UPRT: variants seen among roughly 807,000 people sequenced by gnomAD.
UPRT encodes uracil phosphoribosyltransferase homolog.
UPRT carries 5 observed loss-of-function variants against 22.6 expected under a neutral mutation model. The ratio of observed to expected loss-of-function variants is 0.22; its 90% CI spans 0.12 to 0.47. The LOEUF (loss-of-function observed/expected upper bound fraction) is 0.47, where lower values mean the gene tolerates loss of function less well. Ranked by LOEUF, UPRT falls within the 20% of genes least tolerant of loss-of-function variation. The pLI, the probability that UPRT is intolerant of heterozygous loss-of-function variation, is 0.99. For missense variants in UPRT, 181 were observed against 239.9 expected, an observed-to-expected ratio of 0.75 and a Z score of 1.62; for synonymous variants, 77 against 87.7, an observed-to-expected ratio of 0.88 and a Z score of 0.68.
chrX:75,224,691 G>T (rs1190280234), intron 4 of UPRT, among the ~76,000 whole-genome samples: 1 of 111,628 alleles, frequency 9.0e-6, no homozygotes, highest in African/African-American at 3.3e-5. Context: ...AATAGTTCCT[G>T]AGGTAGTACT....
intron 4 of UPRT, among the ~76,000 whole-genome samples, chrX:75,175,809 C>T (rs1432639701): frequency 9.0e-6 from 1 of 111,663 alleles, no homozygotes. Context: ...TGACCTCTCT[C>T]AACCGTTTGT....
At chrX:75,246,674 C>T (rs187571179) in intron 4 of UPRT, among the ~76,000 whole-genome samples, 2,006 of 111,372 alleles carry the variant, frequency 0.018, 57 homozygotes, top group African/African-American at 0.062. Flanking sequence ...CTTGAAGAAT[C>T]GCCACACTGT....
intron 4 of UPRT, among the ~76,000 whole-genome samples, chrX:75,208,940 T>C (rs2082373407): frequency 9.0e-6 from 1 of 111,696 alleles, no homozygotes; most frequent in Non-Finnish European, 1.9e-5. Flanking sequence ...GCATCTGGGC[T>C]GCAGAGTAAA....
Position 75,274,415 on chromosome X carries a change from G to C in UPRT, c.161G>C (p.Gly54Ala). 1 of 1,209,579 alleles carries C rather than the reference G, an allele frequency of 8.3e-7. No homozygotes were observed. The highest frequency in any genetic ancestry group is 1.1e-6 in the Non-Finnish European group (1 of 895,064). The stretch of plus-strand genomic sequence containing the variant: ...AGGGCCAAGGTGATTCTCCTCACGG[G>C]GTACGCCCATTCTAGCCTGCCGGCC... ...ASRAKVILLT[G>A]YAHSSLPAEL... Residue 54 changes from glycine to alanine, a missense_variant, in exon 1 of 7, where the codon GGG (glycine) becomes GCG (alanine). This residue lies in a region of UPRT where 111 missense variants were observed against 102.8 expected (regional missense o/e 1.08). Transcript: ENST00000373383.
At chrX:75,266,484 A>G (rs1318873641) in intron 4 of UPRT, among the ~76,000 whole-genome samples, 2 of 111,626 alleles carry the variant, frequency 1.8e-5, no homozygotes. Context: ...AACCATAAAA[A>G]CCCTGGAAGA....
chrX:75,264,732 A>G (rs1004765230), intron 4 of UPRT, among the ~76,000 whole-genome samples: 16 of 111,597 alleles, frequency 1.4e-4, no homozygotes, highest in African/African-American at 4.6e-4. Context: ...TCCTGTCATT[A>G]TGACGTTAGC....
chrX:75,275,583 C>T (rs2082628126), intron 1 of UPRT, among the ~76,000 whole-genome samples: 2 of 111,306 alleles, frequency 1.8e-5, no homozygotes, highest in African/African-American at 3.3e-5. Context: ...TTTTTCCTCT[C>T]TTCCACATGC....
In UPRT at chrX:75,293,505, G is replaced by A. The variant is rs772176065; in HGVS notation, c.420G>A (p.Ala140=). Residue 140 remains alanine (A), a synonymous_variant, in exon 2 of 7, where the codon GCG becomes GCA. Transcript: ENST00000373383. ...TASRGDFMFS[A]DRLIRLVVEE... is the part of the protein sequence containing the mutation. ...GTAGAGGTGACTTCATGTTTTCTGC[G>A]GATCGTTTGGTAGGTGGGGGCTTTT... 15 of 1,198,183 alleles carry A rather than the reference G, an allele frequency of 1.3e-5. No homozygotes were observed. Among genetic ancestry groups the A allele is most frequent in the Middle Eastern group, 2.3e-4 (1 of 4,320 alleles).
chrX:75,195,193 A>T (rs2082329568), intron 4 of UPRT, among the ~76,000 whole-genome samples: 1 of 111,975 alleles, frequency 8.9e-6, no homozygotes, highest in Non-Finnish European at 1.9e-5. Flanking sequence ...CATGGGGGCC[A>T]CTCTGCTGGA....
chrX:75,265,884 G>C (rs957741851), intron 4 of UPRT, among the ~76,000 whole-genome samples: 4 of 110,980 alleles, frequency 3.6e-5, no homozygotes, highest in Non-Finnish European at 7.6e-5. Context: ...TTTTGTTAGG[G>C]ATGTGAAGGA....
Position 75,293,509 on chromosome X carries a change from C to T in UPRT, c.424C>T (p.Arg142Cys). Residue 142 changes from arginine (R) to cysteine (C), a missense_variant, in exon 2 of 7, where the codon CGT becomes TGT. Arg to Cys is a radical substitution (Grantham distance 180). Transcript: ENST00000373383. ...SRGDFMFSADRLIRLVVEEGL... is the reference protein window; with the variant it reads ...SRGDFMFSADCLIRLVVEEGL... ...AGGTGACTTCATGTTTTCTGCGGAT[C>T]GTTTGGTAGGTGGGGGCTTTTCATT... 2 of 1,201,455 alleles carry T rather than the reference C, an allele frequency of 1.7e-6. No individual in the cohort carries two copies. The highest frequency in any genetic ancestry group is 1.8e-5 in the South Asian group (1 of 54,812).
At chrX:75,300,784 C>G (rs878966758) in intron 5 of UPRT, 83 bp from the exon 6 acceptor site, 1 of 738,447 alleles carries the variant, frequency 1.4e-6, no homozygotes, top group African/African-American at 2.1e-5. Flanking sequence ...GATTCCCTGT[C>G]CCCCCTCCCC....
At chrX:75,171,532 CTTGA>C (rs201042645) in intron 4 of UPRT, among the ~76,000 whole-genome samples, 1,229 of 111,061 alleles carry the variant, frequency 0.011, 15 homozygotes, top group African/African-American at 0.038. Context: ...CTGGTGCCTC[CTTGA>C]TTAAGTTAAT....
chrX:75,200,627 A>G (rs970092099), intron 4 of UPRT, among the ~76,000 whole-genome samples: 1 of 111,482 alleles, frequency 9.0e-6, no homozygotes, highest in African/African-American at 3.3e-5. Context: ...ACAGAGTTTG[A>G]GTCACATCAT....
At chrX:75,177,220 C>T (rs925533857) in intron 4 of UPRT, among the ~76,000 whole-genome samples, 4 of 110,509 alleles carry the variant, frequency 3.6e-5, no homozygotes, top group Non-Finnish European at 5.7e-5. Context: ...GGAATAGTTG[C>T]GCTCACTGAC....
At chrX:75,165,763 A>C (rs1384112965) in intron 3 of UPRT, among the ~76,000 whole-genome samples, 8 of 111,208 alleles carry the variant, frequency 7.2e-5, no homozygotes, top group Non-Finnish European at 1.3e-4. Context: ...TAAGATAATA[A>C]ATTTTTTCTT....
At chrX:75,248,337 G>A in intron 4 of UPRT, among the ~76,000 whole-genome samples, 1 of 111,554 alleles carries the variant, frequency 9.0e-6, no homozygotes, top group Non-Finnish European at 1.9e-5. Flanking sequence ...TGGCTAACTA[G>A]AATAACCAGT....
At chrX:75,223,842 G>T (rs1370489283) in intron 4 of UPRT, among the ~76,000 whole-genome samples, 1 of 111,810 alleles carries the variant, frequency 8.9e-6, no homozygotes, top group East Asian at 2.8e-4. Context: ...TCTCATGAAG[G>T]TTTGTGTGTG....
intron 4 of UPRT, among the ~76,000 whole-genome samples, chrX:75,267,187 C>T (rs1180393755): frequency 8.9e-6 from 1 of 111,842 alleles, no homozygotes; most frequent in South Asian, 3.7e-4. Flanking sequence ...TGGAACCAAC[C>T]GAAATGTCCA....
Sources: gnomAD v4.1 joint callset for allele counts (sites outside exome capture counted in the v4.1 genomes callset) on GRCh38, gnomAD v4.1.1 for gene constraint, gnomAD v4.1.1 regional missense constraint, MANE v1.5 for transcripts, NCBI Gene and HGNC (gene_info 2026-07-23, HGNC 2026-07-21) for gene names.